Variants in HDAC9 observed in about 807,000 individuals in gnomAD.
HDAC9 encodes histone deacetylase 9.
A neutral mutation model predicts 139.4 loss-of-function variants in HDAC9; 41 were observed. The observed-to-expected ratio is 0.29, with a 90% CI of 0.23 to 0.38. The LOEUF is 0.38. HDAC9 is among the 10% of genes least tolerant of loss of function. The pLI is 1.00. For synonymous variants in HDAC9, 517 were observed against 476.2 expected (o/e 1.09, Z -1.12); for missense variants, 1,147 against 1,297.0 (o/e 0.88, Z 1.78).
At chr7:18,325,300 A>G (rs1800352698) in intron 1 of HDAC9, among the ~76,000 whole-genome samples, 1 of 152,122 alleles carries the variant, frequency 6.6e-6, no homozygotes, top group East Asian at 1.9e-4. Context: ...AATGAATAAA[A>G]CAAAAAGAAG....
At chr7:18,978,967 C>T (rs1353421217) in intron 25 of HDAC9, among the ~76,000 whole-genome samples, 1 of 151,914 alleles carries the variant, frequency 6.6e-6, no homozygotes. Flanking sequence ...TTAACTAACA[C>T]AAAAACCAAA....
intron 2 of HDAC9, among the ~76,000 whole-genome samples, chr7:18,501,855 A>G (rs1232809655): frequency 6.6e-6 from 1 of 152,218 alleles, no homozygotes; most frequent in African/African-American, 2.4e-5. Flanking sequence ...AATTGTAAGT[A>G]GTAGGTATAT....
intron 2 of HDAC9, among the ~76,000 whole-genome samples, chr7:18,215,735 G>A (rs562591488): frequency 5.9e-5 from 9 of 152,218 alleles, no homozygotes; most frequent in Admixed American, 2.0e-4. Flanking sequence ...AAAGGAAAAC[G>A]TATTTACTTC....
At chr7:18,675,073 G>A (rs1781415762) in intron 12 of HDAC9, among the ~76,000 whole-genome samples, 1 of 151,894 alleles carries the variant, frequency 6.6e-6, no homozygotes, top group South Asian at 2.1e-4. Context: ...TAAAGTGAGA[G>A]CTTGGAAAGA....
intron 12 of HDAC9, among the ~76,000 whole-genome samples, chr7:18,705,250 C>T (rs930565447): frequency 2.6e-5 from 4 of 152,156 alleles, no homozygotes; most frequent in African/African-American, 4.8e-5. Context: ...TTCCCCATTG[C>T]GGGAGCTCTT....
chr7:18,121,558 AAC>A (rs1491020953), intron 1 of HDAC9, among the ~76,000 whole-genome samples: 1 of 150,340 alleles, frequency 6.7e-6, no homozygotes, highest in African/African-American at 2.4e-5. Flanking sequence ...AAAAAAAAAA[AAC>A]CATTGAAATT....
intron 1 of HDAC9, among the ~76,000 whole-genome samples, chr7:18,421,125 G>GA (rs1366158198): frequency 6.6e-6 from 1 of 152,102 alleles, no homozygotes; most frequent in African/African-American, 2.4e-5. Flanking sequence ...TATTCTTAAT[G>GA]AAAACTATAT....
At chr7:18,987,899 G>A (rs902973207) in intron 25 of HDAC9, among the ~76,000 whole-genome samples, 1 of 152,066 alleles carries the variant, frequency 6.6e-6, no homozygotes, top group Non-Finnish European at 1.5e-5. Flanking sequence ...TATTTCTGTG[G>A]GATCGGTGGT....
chr7:18,795,376 G>A (rs1218469956), intron 17 of HDAC9, among the ~76,000 whole-genome samples: 1 of 151,550 alleles, frequency 6.6e-6, no homozygotes, highest in East Asian at 1.9e-4. Context: ...CTTTTCTGGG[G>A]CTCAATTTCT....
At chr7:18,486,450 C>T (rs1586231961) in intron 1 of HDAC9, among the ~76,000 whole-genome samples, 1 of 152,138 alleles carries the variant, frequency 6.6e-6, no homozygotes, top group African/African-American at 2.4e-5. Context: ...GCCTTCAACT[C>T]GATGACAATG....
chr7:18,709,144 T>G (rs556420775), intron 12 of HDAC9, among the ~76,000 whole-genome samples: 1 of 152,088 alleles, frequency 6.6e-6, no homozygotes, highest in East Asian at 1.9e-4. Context: ...ATGTGTGCCA[T>G]GGTGATTTGC....
chr7:18,896,016 A>G (rs534733327), intron 22 of HDAC9, among the ~76,000 whole-genome samples: 12 of 152,258 alleles, frequency 7.9e-5, no homozygotes, highest in African/African-American at 2.9e-4. Context: ...GAAAATCTCA[A>G]AAAGGAGCAG....
intron 12 of HDAC9, among the ~76,000 whole-genome samples, chr7:18,692,409 T>G (rs1233454983): frequency 6.6e-6 from 1 of 152,110 alleles, no homozygotes; most frequent in Admixed American, 6.6e-5. Context: ...TTTTAAAATG[T>G]TACTTTTTTA....
At chr7:18,844,767 A>G (rs925110803) in intron 21 of HDAC9, among the ~76,000 whole-genome samples, 5 of 152,194 alleles carry the variant, frequency 3.3e-5, no homozygotes, top group African/African-American at 4.8e-5. Context: ...TATTACCCAA[A>G]GAGATCTGGG....
At chr7:18,466,082 G>A (rs1452028234) in intron 1 of HDAC9, among the ~76,000 whole-genome samples, 2 of 152,342 alleles carry the variant, frequency 1.3e-5, no homozygotes, top group African/African-American at 2.4e-5. Context: ...GCTCATGCAA[G>A]TTGGTGGCAG....
At position 18,147,519 on chromosome 7, in the gene HDAC9, T is replaced by G. The variant is rs542062415; in HGVS notation, c.-96-14710T>G. ...ATGGAAAATACATCATTGGAGCATATGTTGTTTATTTTTTTATTATGAAAT... is the reference window on the plus strand; with the variant it reads ...ATGGAAAATACATCATTGGAGCATAGGTTGTTTATTTTTTTATTATGAAAT... On this transcript the variant is annotated intron_variant, in intron 1 of 12. Coordinates refer to the HDAC9 transcript ENST00000417496. Among the ~76,000 whole-genome samples the G allele has an allele frequency of 2.6e-5, 4 of 152,164 alleles. No homozygotes were observed. The East Asian group carries it at 7.7e-4, about 29-fold the overall frequency.
At chr7:18,232,016 G>GA (rs1793493536) in intron 2 of HDAC9, among the ~76,000 whole-genome samples, 1 of 152,144 alleles carries the variant, frequency 6.6e-6, no homozygotes, top group South Asian at 2.1e-4. Flanking sequence ...TCCATCGAAG[G>GA]TAAAATAATG....
intron 2 of HDAC9, chr7:18,509,329 T>TG: frequency 3.0e-6 from 3 of 985,420 alleles, no homozygotes; most frequent in Non-Finnish European, 3.6e-6. Flanking sequence ...AATGGGTAGG[T>TG]GGGAGAACCA....
chr7:18,310,421 A>G (rs568444646), intron 1 of HDAC9, among the ~76,000 whole-genome samples: 40 of 152,274 alleles, frequency 2.6e-4, no homozygotes, highest in African/African-American at 9.6e-4. Flanking sequence ...CTGAAACTGA[A>G]TTTGGTCAGT....
Sources: gnomAD v4.1 joint callset for allele counts (sites outside exome capture counted in the v4.1 genomes callset) on GRCh38, gnomAD v4.1.1 for gene constraint, MANE v1.5 for transcripts, NCBI Gene and HGNC (gene_info 2026-07-23, HGNC 2026-07-21) for gene names.